Variants in KCNMB4 observed in about 807,000 individuals in gnomAD.
The protein encoded by KCNMB4 is calcium-activated potassium channel subunit beta-4.
In KCNMB4, 3 loss-of-function variants were observed where a neutral mutation model predicts 20.7. The observed-to-expected ratio is 0.14, with a 90% confidence interval of 0.07 to 0.37. KCNMB4 has a LOEUF of 0.37. Among genes scored for constraint, KCNMB4 ranks in the 10% least tolerant of loss-of-function variants. The probability of loss-of-function intolerance (pLI) is 1.00; values close to 1 mark genes in which losing one functional copy is unlikely to be tolerated. For missense variants in KCNMB4, 168 were observed against 265.9 expected (o/e 0.63, Z 2.56); for synonymous variants, 110 against 113.4 (o/e 0.97, Z 0.19).
chr12:70,382,219 G>C (rs1302285950), intron 1 of KCNMB4, among the ~76,000 whole-genome samples: 1 of 151,846 alleles, frequency 6.6e-6, no homozygotes, highest in Non-Finnish European at 1.5e-5. Context: ...GCCGAGGCGG[G>C]CGGATCACGA....
intron 2 of KCNMB4, among the ~76,000 whole-genome samples, chr12:70,413,969 C>T (rs1362355062): frequency 6.6e-6 from 1 of 152,098 alleles, no homozygotes; most frequent in African/African-American, 2.4e-5. Flanking sequence ...TGCGGTGGCT[C>T]ACACTTGTAA....
chr12:70,372,163 A>G lies in KCNMB4; in HGVS notation c.336+5093A>G, dbSNP rs144849628. On this transcript the variant is annotated intron_variant, in intron 1 of 2. Transcript: ENST00000258111. ...CCTGTGACAAGTGTCTGTGTGAGGA[A>G]CTATGAGGGCGAAAGTGAGGTTGGA... Among the ~76,000 whole-genome samples the G allele has an allele frequency of 3.8e-3, 575 of 152,288 alleles. 1 individual carries two copies. Among genetic ancestry groups the G allele is most frequent in the African/African-American group, 0.013 (561 of 41,566 alleles).
chr12:70,374,093 C>T (rs758731411), intron 1 of KCNMB4, among the ~76,000 whole-genome samples: 3 of 152,128 alleles, frequency 2.0e-5, no homozygotes, highest in Non-Finnish European at 4.4e-5. Flanking sequence ...TTATGAAGAT[C>T]TCAATTATAT....
chr12:70,426,548 A>G (rs1459779529), intron 2 of KCNMB4, among the ~76,000 whole-genome samples: 4 of 152,224 alleles, frequency 2.6e-5, no homozygotes, highest in African/African-American at 9.6e-5. Flanking sequence ...CTGTACTTCA[A>G]CAAGCACCGT....
At chr12:70,411,344 A>C (rs1868770181) in intron 2 of KCNMB4, among the ~76,000 whole-genome samples, 1 of 152,218 alleles carries the variant, frequency 6.6e-6, no homozygotes, top group Non-Finnish European at 1.5e-5. Context: ...GATGACACTG[A>C]GTCATCAAAA....
At chr12:70,417,977 A>C (rs1045316774) in intron 2 of KCNMB4, among the ~76,000 whole-genome samples, 2 of 152,172 alleles carry the variant, frequency 1.3e-5, no homozygotes, top group Admixed American at 1.3e-4. Flanking sequence ...GCTATGCCCC[A>C]CTTCAATTGT....
Position 70,431,497 on chromosome 12 carries a change from G to A in KCNMB4, c.*844G>A, listed in dbSNP as rs1433829512. The A allele has an allele frequency of 2.0e-5, 3 of 149,358 alleles. No individual in the cohort carries two copies. Among genetic ancestry groups the A allele is most frequent in the Non-Finnish European group, 4.5e-5 (3 of 67,402 alleles). The allele number at this position is 149,358 out of a possible 1,614,324, so 9.3% of individuals were successfully genotyped here. On this transcript the variant is annotated 3_prime_UTR_variant, in exon 3 of 3. Coordinates refer to ENST00000258111, the MANE Select transcript of KCNMB4 (RefSeq NM_014505.6). ...AGGACACTCTTCAGCTTAGTGAAAC[G>A]CTGTTTTCATTTTTTTTTTTTTTTG...
chr12:70,398,652 CTG>C (rs1466155575), intron 1 of KCNMB4, among the ~76,000 whole-genome samples: 5 of 152,156 alleles, frequency 3.3e-5, no homozygotes, highest in South Asian at 2.1e-4. Flanking sequence ...AGTTTAAACA[CTG>C]TGAAAATAAT....
intron 1 of KCNMB4, among the ~76,000 whole-genome samples, chr12:70,387,209 T>C (rs1451123385): frequency 6.7e-6 from 1 of 150,296 alleles, no homozygotes; most frequent in Non-Finnish European, 1.5e-5. Flanking sequence ...TTCCGACAGC[T>C]GTGTGTGAAA....
chr12:70,369,696 A>C (rs1297316882), intron 1 of KCNMB4, among the ~76,000 whole-genome samples: 1 of 152,204 alleles, frequency 6.6e-6, no homozygotes, highest in Non-Finnish European at 1.5e-5. Context: ...CAAATACAGA[A>C]TTTCTTAAGC....
intron 2 of KCNMB4, among the ~76,000 whole-genome samples, chr12:70,416,626 A>G (rs1868919965): frequency 2.0e-5 from 3 of 152,210 alleles, no homozygotes; most frequent in Admixed American, 6.5e-5. Context: ...CATTTAGGAA[A>G]AGAGCCTCAA....
At chr12:70,426,432 C>T (rs373741796) in intron 2 of KCNMB4, among the ~76,000 whole-genome samples, 22 of 152,164 alleles carry the variant, frequency 1.4e-4, no homozygotes, top group African/African-American at 4.6e-4. Flanking sequence ...CTTCTTAAAC[C>T]GAAGTGCACA....
In KCNMB4 at chr12:70,430,799, C is replaced by T; in HGVS notation, c.*146C>T. 1 of 684,292 alleles carries T rather than the reference C, an allele frequency of 1.5e-6. No homozygotes were observed. The highest frequency in any genetic ancestry group is 2.2e-6 in the Non-Finnish European group (1 of 447,482). 42.4% of individuals were successfully genotyped at this position (684,292 alleles called of 1,614,324 possible). On this transcript the variant is annotated 3_prime_UTR_variant, in exon 3 of 3. Coordinates refer to ENST00000258111, the MANE Select transcript of KCNMB4 (RefSeq NM_014505.6). ...GCTCATCCCTCAGTGGCAACAGAAA[C>T]AGGCACAACTGGAAGACTTGGAACC...
At chr12:70,367,447 C>T (rs3782387) in intron 1 of KCNMB4, among the ~76,000 whole-genome samples, 40,079 of 152,000 alleles carry the variant, frequency 0.26, 6,726 homozygotes, top group East Asian at 0.68. Context: ...TCCACCTACT[C>T]CAGCTCACGG....
At chr12:70,427,046 C>T (rs556522078) in intron 2 of KCNMB4, among the ~76,000 whole-genome samples, 25 of 152,306 alleles carry the variant, frequency 1.6e-4, no homozygotes, top group Admixed American at 8.5e-4. Flanking sequence ...TTATTGTCCA[C>T]ATATTCTTGT....
intron 2 of KCNMB4, among the ~76,000 whole-genome samples, chr12:70,419,681 A>G (rs1868999437): frequency 2.6e-5 from 4 of 152,258 alleles, no homozygotes; most frequent in Admixed American, 2.6e-4. Flanking sequence ...ATTGTATCAT[A>G]AAAGAACTGA....
chr12:70,421,820 A>G (rs1869069898), intron 2 of KCNMB4, among the ~76,000 whole-genome samples: 1 of 149,998 alleles, frequency 6.7e-6, no homozygotes, highest in Admixed American at 6.6e-5. Flanking sequence ...TGACCTCTTG[A>G]TCCGCCCGCC....
At chr12:70,396,024 C>G (rs1030143646) in intron 1 of KCNMB4, among the ~76,000 whole-genome samples, 4 of 152,172 alleles carry the variant, frequency 2.6e-5, no homozygotes, top group South Asian at 2.1e-4. Flanking sequence ...CAAAGACTTA[C>G]AGTGCATTTC....
chr12:70,400,816 T>C (rs1868429990), intron 2 of KCNMB4, among the ~76,000 whole-genome samples: 1 of 152,188 alleles, frequency 6.6e-6, no homozygotes, highest in African/African-American at 2.4e-5. Flanking sequence ...TAATCAGTAA[T>C]TTATTCATCA....
Sources: allele counts gnomAD v4.1 joint callset (sites outside exome capture counted in the v4.1 genomes callset), GRCh38; gene constraint gnomAD v4.1.1; transcripts MANE v1.5; gene names NCBI Gene and HGNC (gene_info 2026-07-23, HGNC 2026-07-21).